LYRM4: variants seen among roughly 807,000 people sequenced by gnomAD.
LYRM4 encodes LYR motif-containing protein 4.
LYRM4 carries 9 observed loss-of-function variants against 11.7 expected under a neutral mutation model. The ratio of observed to expected loss-of-function variants is 0.77; its 90% CI spans 0.46 to 1.34. The LOEUF is 1.34. LYRM4 is among the 40% of genes most tolerant of loss of function. The pLI, the probability that LYRM4 is intolerant of heterozygous loss-of-function variation, is 0.00. For synonymous variants in LYRM4, 42 were observed against 40.4 expected, an observed-to-expected ratio of 1.04 and a Z score of -0.15; for missense variants, 133 against 112.5, an observed-to-expected ratio of 1.18 and a Z score of -0.82.
the LYRM4 span, among the ~76,000 whole-genome samples, chr6:5,041,783 T>G: frequency 6.6e-6 from 1 of 152,250 alleles, no homozygotes; most frequent in Non-Finnish European, 1.5e-5. Flanking sequence ...GCATTCTGCT[T>G]CTTGTAATTC....
the LYRM4 span, chr6:5,066,703 T>C: frequency 8.0e-6 from 7 of 876,662 alleles, no homozygotes; most frequent in South Asian, 1.0e-4. Flanking sequence ...TGTGGAGGTC[T>C]ATTTTGTTTT....
chr6:5,082,901 C>T, the LYRM4 span, among the ~76,000 whole-genome samples: 2 of 127,800 alleles, frequency 1.6e-5, no homozygotes, highest in Non-Finnish European at 3.5e-5. Flanking sequence ...CCAGCACGTT[C>T]TTCCTTGCAG....
In LYRM4 at chr6:5,175,288, G is replaced by A. The variant is rs1455228940; in HGVS notation, c.207+41330C>T. 3.3e-5 allele frequency among the ~76,000 whole-genome samples: 5 copies of A among 152,162 alleles called. No individual in the cohort carries two copies. In the East Asian group the frequency reaches 9.6e-4, roughly 29 times the overall value. ...TCAATATCTAATTTCACATTAAAAT[G>A]GGAAATCTGGAAACACAAGGACTTC... On this transcript the variant is annotated intron_variant, in intron 2 of 2. Coordinates refer to ENST00000330636, the MANE Select transcript of LYRM4 (RefSeq NM_020408.6).
intron 2 of LYRM4, among the ~76,000 whole-genome samples, chr6:5,203,628 T>C (rs1761519478): frequency 6.6e-6 from 1 of 152,216 alleles, no homozygotes; most frequent in African/African-American, 2.4e-5. Context: ...TTTATCAGCA[T>C]GCAATAAATA....
intron 2 of LYRM4, among the ~76,000 whole-genome samples, chr6:5,157,179 G>A (rs997378007): frequency 5.3e-5 from 8 of 152,136 alleles, no homozygotes; most frequent in Non-Finnish European, 1.0e-4. Context: ...GTTACTAAGC[G>A]AAAGCACTCA....
At chr6:5,212,993 G>GC (rs754039252) in intron 2 of LYRM4, among the ~76,000 whole-genome samples, 20 of 152,190 alleles carry the variant, frequency 1.3e-4, no homozygotes, top group Non-Finnish European at 2.2e-4. Context: ...CCTCAGGGTT[G>GC]CCAGAATGAA....
intron 2 of LYRM4, among the ~76,000 whole-genome samples, chr6:5,206,428 A>C (rs1761701956): frequency 6.6e-6 from 1 of 152,206 alleles, no homozygotes. Context: ...CTCACTTATC[A>C]GTGGAGTGGA....
chr6:5,186,685 T>C (rs1760413329), intron 2 of LYRM4: 1 of 985,660 alleles, frequency 1.0e-6, no homozygotes, highest in East Asian at 1.1e-4. Context: ...TGTAACTACA[T>C]AAAAATTATA....
chr6:5,258,396 AG>A, intron 1 of LYRM4, among the ~76,000 whole-genome samples: 1 of 152,366 alleles, frequency 6.6e-6, no homozygotes, highest in Non-Finnish European at 1.5e-5. Context: ...GTTGCCTTAC[AG>A]GGTAATACAA....
intron 1 of LYRM4, among the ~76,000 whole-genome samples, chr6:5,220,207 C>T (rs113132193): frequency 6.6e-5 from 10 of 152,308 alleles, no homozygotes; most frequent in African/African-American, 1.2e-4. Flanking sequence ...CAGGCAGTAA[C>T]GAAAGCTCTT....
At chr6:5,041,092 G>A in the LYRM4 span, among the ~76,000 whole-genome samples, 2 of 152,140 alleles carry the variant, frequency 1.3e-5, no homozygotes, top group Non-Finnish European at 1.5e-5. Flanking sequence ...TTGAACCCAG[G>A]AGGTGGAGGT....
At chr6:5,188,932 T>C (rs1760584944) in intron 2 of LYRM4, among the ~76,000 whole-genome samples, 1 of 152,168 alleles carries the variant, frequency 6.6e-6, no homozygotes, top group South Asian at 2.1e-4. Context: ...CTAATTTTTA[T>C]ATTTTTTTGT....
chr6:5,218,905 G>A (rs916626389), intron 1 of LYRM4, among the ~76,000 whole-genome samples: 1 of 152,190 alleles, frequency 6.6e-6, no homozygotes, highest in East Asian at 1.9e-4. Context: ...CAGCATCACT[G>A]TTCTTCTTGA....
At chr6:5,050,911 C>T in the LYRM4 span, among the ~76,000 whole-genome samples, 4 of 152,242 alleles carry the variant, frequency 2.6e-5, no homozygotes, top group South Asian at 8.3e-4. Flanking sequence ...CTTAAAGATG[C>T]TCAAAGAGCT....
chr6:5,200,007 T>C (rs951441590), intron 2 of LYRM4, among the ~76,000 whole-genome samples: 3 of 152,202 alleles, frequency 2.0e-5, no homozygotes, highest in Non-Finnish European at 4.4e-5. Context: ...ATTTTACATA[T>C]GTCTTTCTTG....
At chr6:5,136,978 T>C in intron 2 of LYRM4, 1 of 351,150 alleles carries the variant, frequency 2.8e-6, no homozygotes, top group Non-Finnish European at 4.0e-6. Flanking sequence ...ACACTACTCA[T>C]TAGTCGCCTT....
chr6:5,056,651 A>G, the LYRM4 span, among the ~76,000 whole-genome samples: 1 of 152,376 alleles, frequency 6.6e-6, no homozygotes, highest in South Asian at 2.1e-4. Flanking sequence ...GTCTTTAAAT[A>G]CCAGGTAGCT....
At chr6:5,084,246 C>T in the LYRM4 span, among the ~76,000 whole-genome samples, 1 of 152,234 alleles carries the variant, frequency 6.6e-6, no homozygotes, top group African/African-American at 2.4e-5. Context: ...ACAAGAAAAA[C>T]ACCACTTTTA....
At chr6:5,217,300 C>T (rs1336870421) in intron 1 of LYRM4, among the ~76,000 whole-genome samples, 2 of 152,220 alleles carry the variant, frequency 1.3e-5, no homozygotes, top group African/African-American at 4.8e-5. Context: ...CACAGTTGAA[C>T]CTGTGGAATT....
Sources: allele counts gnomAD v4.1 joint callset (sites outside exome capture counted in the v4.1 genomes callset), GRCh38; gene constraint gnomAD v4.1.1; transcripts MANE v1.5; gene names NCBI Gene and HGNC (gene_info 2026-07-23, HGNC 2026-07-21).